SLC17A2: variants seen among roughly 807,000 people sequenced by gnomAD.
SLC17A2 encodes sodium-dependent phosphate transport protein 3.
Under a neutral mutation model 52.1 loss-of-function variants are expected in SLC17A2, and 38 were observed. The observed-to-expected ratio is 0.73, with a 90% CI of 0.56 to 0.96. The LOEUF (loss-of-function observed/expected upper bound fraction) is 0.96, where lower values mean the gene tolerates loss of function less well. Ranked by LOEUF, SLC17A2 falls within the 40% of genes least tolerant of loss-of-function variation. The pLI, the probability that SLC17A2 is intolerant of heterozygous loss-of-function variation, is 0.00. For missense variants in SLC17A2, 508 were observed against 583.9 expected (o/e 0.87, Z 1.34); for synonymous variants, 226 against 211.9 (o/e 1.07, Z -0.58).
chr6:25,917,536 C>A (rs1766375005), intron 6 of SLC17A2, among the ~76,000 whole-genome samples: 1 of 152,172 alleles, frequency 6.6e-6, no homozygotes, highest in African/African-American at 2.4e-5. Flanking sequence ...TTACAAGAGA[C>A]AGTATTATTT....
intron 11 of SLC17A2, among the ~76,000 whole-genome samples, chr6:25,914,035 C>A (rs2071301): frequency 0.35 from 53,088 of 152,010 alleles, 10,405 homozygotes; most frequent in East Asian, 0.7. Context: ...AGTTGGTTCT[C>A]GTCAGTCCTT....
chr6:25,929,716 G>C (rs984478391), intron 1 of SLC17A2, among the ~76,000 whole-genome samples: 1 of 152,082 alleles, frequency 6.6e-6, no homozygotes, highest in African/African-American at 2.4e-5. Flanking sequence ...TACAATGAGG[G>C]CAACAAGCTA....
intron 10 of SLC17A2, among the ~76,000 whole-genome samples, 164 bp downstream of exon 10, chr6:25,915,335 C>T (rs1766268038): frequency 6.6e-6 from 1 of 151,366 alleles, no homozygotes; most frequent in South Asian, 2.1e-4. Context: ...TCTAAAAATG[C>T]CACATTTGTT....
intron 6 of SLC17A2, among the ~76,000 whole-genome samples, chr6:25,917,790 A>T: frequency 6.6e-6 from 1 of 152,244 alleles, no homozygotes; most frequent in Non-Finnish European, 1.5e-5. Flanking sequence ...TTTTCTTTAA[A>T]TCCCCTCTAA....
chr6:25,925,860 T>A lies in SLC17A2; in HGVS notation c.-64A>T. On this transcript the variant is annotated 5_prime_UTR_variant, in exon 2 of 12. Transcript: ENST00000377850. ...AGTTTCCCTGTGCCCTGAATCTCTT[T>A]TACTACGACAGTCTTTTATCTATGG... The A allele has an allele frequency of 6.7e-7, 1 of 1,485,088 alleles. No individual in the cohort carries two copies. The highest frequency in any genetic ancestry group is 9.4e-7 in the Non-Finnish European group (1 of 1,062,292). 92.0% of individuals were successfully genotyped at this position (1,485,088 alleles called of 1,614,324 possible).
chr6:25,927,565 A>G (rs1433941811), intron 1 of SLC17A2, among the ~76,000 whole-genome samples: 2 of 152,206 alleles, frequency 1.3e-5, no homozygotes, highest in Non-Finnish European at 1.5e-5. Context: ...GTAGATACTC[A>G]TTTTATATTC....
intron 2 of SLC17A2, among the ~76,000 whole-genome samples, chr6:25,924,109 C>A (rs1423954632): frequency 6.6e-6 from 1 of 152,058 alleles, no homozygotes; most frequent in Non-Finnish European, 1.5e-5. Context: ...ATCTTATAAC[C>A]AAGTAAAGCA....
At chr6:25,913,900 C>T (rs1561873004) in intron 11 of SLC17A2, among the ~76,000 whole-genome samples, 1 of 152,066 alleles carries the variant, frequency 6.6e-6, no homozygotes, top group African/African-American at 2.4e-5. Context: ...TGTGACCCTC[C>T]TCAGAAAGCC....
intron 5 of SLC17A2, among the ~76,000 whole-genome samples, chr6:25,919,699 C>CAAAAAA (rs766352177): frequency 3.2e-4 from 10 of 31,148 alleles, no homozygotes; most frequent in African/African-American, 5.0e-4. Context: ...GACACCGTCT[C>CAAAAAA]AAAAAAAAAA....
At chr6:25,920,598 T>C (rs1450554787) in intron 5 of SLC17A2, among the ~76,000 whole-genome samples, 1 of 152,202 alleles carries the variant, frequency 6.6e-6, no homozygotes, top group African/African-American at 2.4e-5. Flanking sequence ...CTTCAAACTC[T>C]TCCAGCCTGA....
In SLC17A2 at chr6:25,921,078, C is replaced by T; in HGVS notation, c.490G>A (p.Gly164Ser). 2 of 1,614,194 alleles carry T rather than the reference C, an allele frequency of 1.2e-6. No individual in the cohort carries two copies. The highest frequency in any genetic ancestry group is 1.7e-6 in the Non-Finnish European group (2 of 1,180,026). Residue 164 changes from glycine (G) to serine (S), a missense_variant, in exon 5 of 12, where the codon GGT becomes AGT. Gly to Ser is a moderately conservative substitution (Grantham distance 56, BLOSUM62 0). Coordinates refer to ENST00000377850, the MANE Select transcript of SLC17A2 (RefSeq NM_001286123.3). The stretch of plus-strand genomic sequence containing the variant: ...CACTTTGCCCAAATAGTAAACTGAC[C>T]TGTCCATGCCATTCCCTGAAATGAA... The part of the protein sequence containing the change: ...QGMAQGMAWT[G>S]QFTIWAKWAP...
In SLC17A2 at chr6:25,915,586, A is replaced by G. The variant is rs762322848; in HGVS notation, c.1124T>C (p.Ile375Thr). Residue 375 changes from isoleucine (I) to threonine (T), a missense_variant, in exon 10 of 12, where the codon ATA (isoleucine) becomes ACA (threonine). Transcript: ENST00000377850. The stretch of plus-strand genomic sequence containing the variant: ...AATAAGTATCAGCAAAATAATGGTT[A>G]TCACGTAACTGGAGGCCACAAAGGG... ...ALPFVASSYV[I>T]TIILLILIPG... The G allele has an allele frequency of 6.2e-7, 1 of 1,612,062 alleles. No homozygotes were observed. The highest frequency in any genetic ancestry group is 8.5e-7 in the Non-Finnish European group (1 of 1,178,952).
intron 11 of SLC17A2, 24 bp from the exon 12 acceptor site, chr6:25,913,475 T>C: frequency 6.2e-7 from 1 of 1,611,394 alleles, no homozygotes; most frequent in Non-Finnish European, 8.5e-7. Context: ...ACAGAGAAAA[T>C]GATCAATCTC....
At chr6:25,919,396 T>C (rs1237443061) in intron 5 of SLC17A2, among the ~76,000 whole-genome samples, 2 of 152,134 alleles carry the variant, frequency 1.3e-5, no homozygotes, top group African/African-American at 4.8e-5. Flanking sequence ...GAGGATAAAT[T>C]GATAATAATT....
rs189284023 is a variant in SLC17A2 at position 25,915,223 on chromosome 6, T to G, written c.1211+276A>C. Among the ~76,000 whole-genome samples, 18 of 138,598 alleles carry G rather than the reference T, an allele frequency of 1.3e-4. No individual in the cohort carries two copies. The Admixed American group carries it at 1.4e-3, about 10-fold the overall frequency. The allele number at this position is 138,598 out of a possible 152,430, so 90.9% of individuals were successfully genotyped here. On this transcript the variant is annotated intron_variant, in intron 10 of 11. Coordinates refer to ENST00000377850, the MANE Select transcript of SLC17A2 (RefSeq NM_001286123.3). ...ACCATGGAAACTTTTCCAAATCACC[T>G]GTGTGTGGGCCTTTTCCCAGCATAC...
At chr6:25,920,740 CAAGGCTTTTCTGACTACT>C (rs937750749) in intron 5 of SLC17A2, among the ~76,000 whole-genome samples, 16 of 152,222 alleles carry the variant, frequency 1.1e-4, no homozygotes, top group South Asian at 2.1e-4. Context: ...CTTTTTCCGA[CAAGGCTTTTCTGACTACT>C]AAGGCTTTTC....
At chr6:25,918,680 G>A in intron 5 of SLC17A2, 107 bp from the exon 6 acceptor site, 1 of 678,960 alleles carries the variant, frequency 1.5e-6, no homozygotes, top group Non-Finnish European at 2.7e-6. Context: ...AGAATTATTG[G>A]GCAATGAGAG....
chr6:25,926,716 T>C (rs1766777450), intron 1 of SLC17A2, among the ~76,000 whole-genome samples: 1 of 152,220 alleles, frequency 6.6e-6, no homozygotes, highest in Non-Finnish European at 1.5e-5. Flanking sequence ...TTCTATGACT[T>C]TATTTTTTAA....
rs779684017 is a variant in SLC17A2 at position 25,913,325 on chromosome 6, G to A, written c.1429C>T (p.Arg477Cys). The A allele has an allele frequency of 1.5e-5, 25 of 1,613,980 alleles. No homozygotes were observed. Among genetic ancestry groups the A allele is most frequent in the Middle Eastern group, 1.6e-4 (1 of 6,084 alleles). ...TTTGTAACTTTATGTCCTCAGAGGC[G>A]GGTAAGGGTCCTCTCTTTGGCCCAG... ...QDWAKERTLT[R>C]L is the part of the protein sequence containing the mutation. Residue 477 changes from arginine (R) to cysteine (C), a missense_variant, in exon 12 of 12, where the codon CGC (arginine) becomes TGC (cysteine). Coordinates refer to ENST00000377850, the MANE Select transcript of SLC17A2 (RefSeq NM_001286123.3).
Sources: gnomAD v4.1 joint callset for allele counts (sites outside exome capture counted in the v4.1 genomes callset) on GRCh38, gnomAD v4.1.1 for gene constraint, MANE v1.5 for transcripts, NCBI Gene and HGNC (gene_info 2026-07-23, HGNC 2026-07-21) for gene names.